Variants in SUCLG1 observed in about 807,000 individuals in gnomAD.
The protein encoded by SUCLG1 is succinate--CoA ligase [ADP/GDP-forming] subunit alpha, mitochondrial.
In SUCLG1, 26 loss-of-function variants were observed where a neutral mutation model predicts 37.3. The observed-to-expected ratio is 0.70, with a 90% CI of 0.51 to 0.97. The LOEUF (loss-of-function observed/expected upper bound fraction) is 0.97, where lower values mean the gene tolerates loss of function less well. SUCLG1 is among the 50% of genes least tolerant of loss of function. SUCLG1 has a pLI of 0.00. For missense variants in SUCLG1, 433 were observed against 432.9 expected (o/e 1.00, Z 0.00); for synonymous variants, 163 against 155.6 (o/e 1.05, Z -0.36).
chr2:84,459,143 C>T (rs1341685025), intron 1 of SUCLG1, 30 bp downstream of exon 1: 6 of 1,528,834 alleles, frequency 3.9e-6, no homozygotes, highest in Non-Finnish European at 5.3e-6. Flanking sequence ...AACCCGCGGG[C>T]GCCAGGAAGA....
intron 2 of SUCLG1, chr2:84,448,990 G>T: frequency 2.6e-6 from 1 of 378,850 alleles, no homozygotes; most frequent in South Asian, 2.1e-5. Flanking sequence ...AGATTCTTAT[G>T]TGGCATTTTA....
rs1266472109 is a variant in SUCLG1, at chr2:84,441,106, TGAAA to T, written c.532-6_532-3del. 1 of 1,613,990 alleles carries T rather than the reference TGAAA, an allele frequency of 6.2e-7. No individual in the cohort carries two copies. The highest frequency in any genetic ancestry group is 1.3e-5 in the African/African-American group (1 of 74,910). ...GATGCCAATTTTACATTCTCCAGGC[TGAAA>T]GTAATCATAGTTTTCAGAAATGTTA... On this transcript the variant is annotated splice_polypyrimidine_tract_variant and splice_region_variant and intron_variant, in intron 4 of 8. Transcript: ENST00000393868.
At chr2:84,444,337 C>A (rs961670955) in intron 2 of SUCLG1, among the ~76,000 whole-genome samples, 1 of 152,162 alleles carries the variant, frequency 6.6e-6, no homozygotes, top group African/African-American at 2.4e-5. Context: ...AATTTTAAAG[C>A]TGGGTGTCCG....
intron 5 of SUCLG1, 65 bp downstream of exon 5, chr2:84,440,982 T>G: frequency 6.5e-7 from 1 of 1,527,306 alleles, no homozygotes; most frequent in Non-Finnish European, 9.1e-7. Flanking sequence ...AAAAATTCTT[T>G]GTGAGTTTTG....
intron 6 of SUCLG1, 148 bp downstream of exon 6, chr2:84,433,204 C>T: frequency 1.3e-6 from 1 of 769,564 alleles, no homozygotes; most frequent in Non-Finnish European, 2.3e-6. Flanking sequence ...AATAACTTTA[C>T]ACTTAAGCAA....
At chr2:84,429,734 A>C (rs755750309) in intron 7 of SUCLG1, among the ~76,000 whole-genome samples, 1 of 152,224 alleles carries the variant, frequency 6.6e-6, no homozygotes, top group Non-Finnish European at 1.5e-5. Context: ...GAAACATTAC[A>C]TGGGAAACAC....
intron 7 of SUCLG1, among the ~76,000 whole-genome samples, chr2:84,427,500 A>G (rs1672552062): frequency 6.6e-6 from 1 of 152,262 alleles, no homozygotes; most frequent in Non-Finnish European, 1.5e-5. Flanking sequence ...GACATGTTTC[A>G]TCATTTAATA....
intron 6 of SUCLG1, 136 bp from the exon 7 acceptor site, chr2:84,431,795 C>T: frequency 2.3e-6 from 2 of 856,470 alleles, no homozygotes. Flanking sequence ...ATTGCTCTTG[C>T]ATTTAATATT....
intron 2 of SUCLG1, among the ~76,000 whole-genome samples, chr2:84,443,922 A>C (rs1381238415): frequency 6.6e-6 from 1 of 152,002 alleles, no homozygotes; most frequent in Non-Finnish European, 1.5e-5. Flanking sequence ...CCACCCACCA[A>C]CCTGTATTTC....
intron 6 of SUCLG1, chr2:84,432,249 T>C (rs1309823617): frequency 6.5e-6 from 1 of 152,824 alleles, no homozygotes. Flanking sequence ...AACAAATTCA[T>C]GGACAGGGTT....
intron 6 of SUCLG1, among the ~76,000 whole-genome samples, chr2:84,431,863 T>C (rs1485281255): frequency 2.0e-5 from 3 of 152,206 alleles, no homozygotes; most frequent in African/African-American, 7.2e-5. Context: ...AAATGCTAAA[T>C]GGTGGTTGGT....
At chr2:84,423,827 C>A in intron 8 of SUCLG1, 55 bp from the exon 9 acceptor site, 1 of 1,545,580 alleles carries the variant, frequency 6.5e-7, no homozygotes, top group East Asian at 2.2e-5. Context: ...GATAAAAGAT[C>A]CAAATCACAT....
At position 84,431,475 on chromosome 2, in the gene SUCLG1, C is replaced by G. The variant is rs1672613153; in HGVS notation, c.825+33G>C. ...TGAAACAAGCCTCTGATATTAAGAGCAAAGAGCTATGTTTTTCCAAACCCA... is the reference window on the plus strand; with the variant it reads ...TGAAACAAGCCTCTGATATTAAGAGGAAAGAGCTATGTTTTTCCAAACCCA... On this transcript the variant is annotated intron_variant, in intron 7 of 8. Transcript: ENST00000393868. The G allele has an allele frequency of 1.9e-6, 3 of 1,613,398 alleles. No individual in the cohort carries two copies. The East Asian group carries it at 6.7e-5, about 36-fold the overall frequency.
At chr2:84,433,290 A>G in intron 6 of SUCLG1, 62 bp downstream of exon 6, 1 of 1,284,940 alleles carries the variant, frequency 7.8e-7, no homozygotes, top group Non-Finnish European at 1.1e-6. Context: ...AATAATTATT[A>G]TTATACTCAT....
chr2:84,445,669 T>C (rs1672838303), intron 2 of SUCLG1, among the ~76,000 whole-genome samples: 1 of 152,180 alleles, frequency 6.6e-6, no homozygotes, highest in Non-Finnish European at 1.5e-5. Flanking sequence ...TTAGATCCAT[T>C]AGTAGAGCTT....
intron 1 of SUCLG1, 88 bp downstream of exon 1, chr2:84,459,085 G>C: frequency 7.3e-7 from 1 of 1,373,666 alleles, no homozygotes; most frequent in Non-Finnish European, 9.8e-7. Context: ...CCAGCCCTGA[G>C]GGCCCAGCCG....
chr2:84,435,828 G>T (rs1383897163), intron 5 of SUCLG1, among the ~76,000 whole-genome samples: 1 of 152,126 alleles, frequency 6.6e-6, no homozygotes, highest in African/African-American at 2.4e-5. Flanking sequence ...TCTCTTTCCA[G>T]CAGCCTGTTC....
intron 4 of SUCLG1, 65 bp downstream of exon 4, chr2:84,441,182 C>T: frequency 1.2e-6 from 2 of 1,611,986 alleles, no homozygotes; most frequent in Non-Finnish European, 8.5e-7. Context: ...CACTCGCATT[C>T]ACTCAAAGCT....
intron 5 of SUCLG1, among the ~76,000 whole-genome samples, chr2:84,434,371 C>T (rs945298858): frequency 2.6e-5 from 4 of 152,122 alleles, no homozygotes; most frequent in African/African-American, 2.4e-5. Context: ...GTCAAGATCC[C>T]TCTGGAATCA....
Sources: gnomAD v4.1 joint callset for allele counts (sites outside exome capture counted in the v4.1 genomes callset) on GRCh38, gnomAD v4.1.1 for gene constraint, MANE v1.5 for transcripts, NCBI Gene and HGNC (gene_info 2026-07-23, HGNC 2026-07-21) for gene names.